Variants in NTM observed in about 807,000 individuals in gnomAD.
The protein encoded by NTM is IgLON family member 2.
A neutral mutation model predicts 42.1 loss-of-function variants in NTM; 13 were observed. That is an observed-to-expected ratio of 0.31 (90% CI 0.20 to 0.49). The LOEUF (loss-of-function observed/expected upper bound fraction) is 0.49, where lower values mean the gene tolerates loss of function less well. NTM is among the 20% of genes least tolerant of loss of function. The probability of loss-of-function intolerance (pLI) is 0.99; values close to 1 mark genes in which losing one functional copy is unlikely to be tolerated. For missense variants in NTM, 373 were observed against 452.8 expected, an observed-to-expected ratio of 0.82 and a Z score of 1.60; for synonymous variants, 187 against 179.2, an observed-to-expected ratio of 1.04 and a Z score of -0.35.
At chr11:131,842,121 G>A (rs534375654) in intron 1 of NTM, among the ~76,000 whole-genome samples, 6 of 152,202 alleles carry the variant, frequency 3.9e-5, no homozygotes, top group Admixed American at 3.9e-4. Flanking sequence ...GGTTAGAGGA[G>A]CTCCTTTACA....
chr11:131,719,201 C>T (rs2078061528), intron 1 of NTM, among the ~76,000 whole-genome samples: 1 of 152,148 alleles, frequency 6.6e-6, no homozygotes, highest in East Asian at 1.9e-4. Context: ...TAAGCCCGCG[C>T]CCAGTGCTTC....
At chr11:131,471,093 C>G (rs1417163726) in intron 1 of NTM, among the ~76,000 whole-genome samples, 1 of 152,104 alleles carries the variant, frequency 6.6e-6, no homozygotes, top group Non-Finnish European at 1.5e-5. Flanking sequence ...CAATCAAATG[C>G]GATTGACCAA....
At chr11:131,856,555 C>T (rs2046120680) in intron 1 of NTM, among the ~76,000 whole-genome samples, 1 of 152,208 alleles carries the variant, frequency 6.6e-6, no homozygotes, top group Admixed American at 6.5e-5. Flanking sequence ...GACCCCAGTG[C>T]TGTGCTGGAT....
chr11:131,758,489 CA>C (rs1299336670), intron 1 of NTM, among the ~76,000 whole-genome samples: 1 of 152,174 alleles, frequency 6.6e-6, no homozygotes, highest in Non-Finnish European at 1.5e-5. Context: ...TAACTGTCCC[CA>C]AACTTACCAG....
chr11:131,621,737 G>T (rs2062576979), intron 1 of NTM, among the ~76,000 whole-genome samples: 1 of 150,862 alleles, frequency 6.6e-6, no homozygotes, highest in African/African-American at 2.4e-5. Flanking sequence ...TGGAATGATG[G>T]CTTGAGTCTG....
intron 3 of NTM, among the ~76,000 whole-genome samples, chr11:132,171,372 C>T (rs567770259): frequency 2.9e-4 from 44 of 152,266 alleles, no homozygotes; most frequent in Admixed American, 8.5e-4. Flanking sequence ...CTAACAAGTC[C>T]GAGATCAAGG....
intron 2 of NTM, among the ~76,000 whole-genome samples, chr11:131,939,951 G>A (rs922392570): frequency 1.3e-5 from 2 of 152,278 alleles, no homozygotes; most frequent in South Asian, 2.1e-4. Context: ...AAACCTCACC[G>A]TGGGCTACTT....
At chr11:132,235,225 C>T (rs1005258989) in intron 4 of NTM, among the ~76,000 whole-genome samples, 3 of 152,116 alleles carry the variant, frequency 2.0e-5, no homozygotes, top group Admixed American at 6.5e-5. Context: ...AATCATCTTC[C>T]GACCCCTCAA....
In NTM at chr11:131,952,469, A is replaced by G. The variant is rs181584958; in HGVS notation, c.167+40821A>G. Among the ~76,000 whole-genome samples the G allele has an allele frequency of 7.5e-4, 114 of 152,344 alleles. 1 individual carries two copies. The highest frequency in any genetic ancestry group is 3.4e-3 in the Middle Eastern group (1 of 292). The stretch of plus-strand genomic sequence containing the variant: ...CATATACTCAGTAAACATTTTTTGC[A>G]TCAATGCATACATACTTATGGGCAT... On this transcript the variant is annotated intron_variant, in intron 2 of 8. Coordinates refer to ENST00000683400, the MANE Select transcript of NTM (RefSeq NM_001352005.2).
intron 1 of NTM, among the ~76,000 whole-genome samples, chr11:131,458,592 A>T (rs1951109698): frequency 6.6e-6 from 1 of 152,158 alleles, no homozygotes; most frequent in African/African-American, 2.4e-5. Context: ...ACTGTCTGTC[A>T]CTTAGGATAG....
At chr11:131,558,044 G>T (rs2055691798) in intron 1 of NTM, among the ~76,000 whole-genome samples, 1 of 152,180 alleles carries the variant, frequency 6.6e-6, no homozygotes, top group South Asian at 2.1e-4. Context: ...TACGAAACCA[G>T]GAAGCGCCTT....
intron 1 of NTM, among the ~76,000 whole-genome samples, chr11:131,680,805 GTGTGTGTATGTGAGCT>G (rs2072503974): frequency 1.4e-4 from 1 of 6,970 alleles, no homozygotes; most frequent in Admixed American, 2.0e-3. Context: ...GTGTGTGTGT[GTGTGTGTATGTGAGCT>G]TGTTTCTGTG....
chr11:132,191,063 G>A lies in NTM; in HGVS notation c.401-20959G>A, dbSNP rs2079239881. ...ATGTAGTAAGAGTAGAATAGACTTG[G>A]ATAGTATTTACCAGAGGGGAAAAAA... is the stretch of plus-strand genomic sequence containing the variant. On this transcript the variant is annotated intron_variant, in intron 3 of 8. Transcript: ENST00000683400. Among the ~76,000 whole-genome samples, 4 of 152,158 alleles carry A rather than the reference G, an allele frequency of 2.6e-5. No homozygotes were observed. The South Asian group carries it at 8.3e-4, about 31-fold the overall frequency.
At chr11:131,690,590 G>T (rs776234237) in intron 1 of NTM, among the ~76,000 whole-genome samples, 43 of 152,366 alleles carry the variant, frequency 2.8e-4, no homozygotes, top group Admixed American at 5.9e-4. Context: ...CACCGTGGAC[G>T]CTGCCTTGTA....
At chr11:131,401,593 G>A (rs1945136881) in intron 1 of NTM, among the ~76,000 whole-genome samples, 1 of 150,900 alleles carries the variant, frequency 6.6e-6, no homozygotes, top group Admixed American at 6.6e-5. Flanking sequence ...TTCTTTCTCT[G>A]TCTTCCATTG....
At position 131,556,308 on chromosome 11, in the gene NTM, A is replaced by G. The variant is rs147770460; in HGVS notation, c.82+185420A>G. On this transcript the variant is annotated intron_variant, in intron 1 of 8. Coordinates refer to ENST00000683400, the MANE Select transcript of NTM (RefSeq NM_001352005.2). ...ACAGAGGGAAGCAGGTAGACAGAATATTGTCAAGAGTGTACATTTAGAAGA... is the reference window on the plus strand; with the variant it reads ...ACAGAGGGAAGCAGGTAGACAGAATGTTGTCAAGAGTGTACATTTAGAAGA... Among the ~76,000 whole-genome samples the G allele has an allele frequency of 7.5e-3, 1,138 of 152,270 alleles. 17 individuals are homozygous for G. The highest frequency in any genetic ancestry group is 0.026 in the African/African-American group (1,079 of 41,550).
chr11:131,482,883 G>C (rs1465089504), intron 1 of NTM, among the ~76,000 whole-genome samples: 1 of 152,154 alleles, frequency 6.6e-6, no homozygotes, highest in Non-Finnish European at 1.5e-5. Flanking sequence ...TTTGTGTGGG[G>C]GAGTCGAGCA....
intron 1 of NTM, among the ~76,000 whole-genome samples, chr11:131,574,895 T>A (rs1398504609): frequency 2.0e-5 from 3 of 152,124 alleles, no homozygotes; most frequent in African/African-American, 7.2e-5. Flanking sequence ...AGGGGACCTT[T>A]GGGGCTATTT....
At chr11:131,430,522 G>T (rs1948566602) in intron 1 of NTM, among the ~76,000 whole-genome samples, 1 of 152,180 alleles carries the variant, frequency 6.6e-6, no homozygotes, top group Non-Finnish European at 1.5e-5. Context: ...TTTCTCCTGG[G>T]CCACACTGTA....
Sources: allele counts gnomAD v4.1 joint callset (sites outside exome capture counted in the v4.1 genomes callset), GRCh38; gene constraint gnomAD v4.1.1; transcripts MANE v1.5; gene names NCBI Gene and HGNC (gene_info 2026-07-23, HGNC 2026-07-21).